The following KCNC4 variants were observed in gnomAD, a reference collection of about 807,000 sequenced individuals.
KCNC4 encodes the protein voltage-gated potassium channel KCNC4.
In KCNC4, 23 loss-of-function variants were observed where a neutral mutation model predicts 42.8. That is an observed-to-expected ratio of 0.54 (90% CI 0.39 to 0.76). The LOEUF (loss-of-function observed/expected upper bound fraction) is 0.76, where lower values mean the gene tolerates loss of function less well. Ranked by LOEUF, KCNC4 falls within the 30% of genes least tolerant of loss-of-function variation. The pLI, the probability that KCNC4 is intolerant of heterozygous loss-of-function variation, is 0.00. For synonymous variants in KCNC4, 422 were observed against 393.5 expected, an observed-to-expected ratio of 1.07 and a Z score of -0.86; for missense variants, 751 against 898.2, an observed-to-expected ratio of 0.84 and a Z score of 2.10.
At chr1:110,235,463 T>A (rs1351644488), downstream of KCNC4, 1 of 152,108 alleles carries the variant, frequency 6.6e-6, no homozygotes, top group African/African-American at 2.4e-5. Flanking sequence ...AAAGTGGCTG[T>A]TTTTTCTGTA....
At chr1:110,225,289 A>T (rs1351467993) in intron 2 of KCNC4, 1 of 152,318 alleles carries the variant, frequency 6.6e-6, no homozygotes, top group Non-Finnish European at 1.5e-5. Context: ...CAGATAGAGT[A>T]GCACCCCCTT....
At chr1:110,232,816 C>G in intron 3 of KCNC4, 95 bp from the exon 4 acceptor site, 2 of 1,549,642 alleles carry the variant, frequency 1.3e-6, no homozygotes, top group Non-Finnish European at 1.7e-6. Context: ...TTCTCCCTTT[C>G]TTTTGCTGAA....
intron 1 of KCNC4, among the ~76,000 whole-genome samples, chr1:110,275,033 C>T (rs1659693384): frequency 6.6e-6 from 1 of 152,058 alleles, no homozygotes; most frequent in Non-Finnish European, 1.5e-5. Context: ...TGAAATGTTT[C>T]TGCGCAGCAA....
At chr1:110,228,357 C>T (rs1211902848) in intron 3 of KCNC4, among the ~76,000 whole-genome samples, 2 of 152,098 alleles carry the variant, frequency 1.3e-5, no homozygotes, top group Admixed American at 1.3e-4. Context: ...CAAAAGTCAG[C>T]TGGGTGTGGG....
At chr1:110,234,598 T>A (rs1388120407), downstream of KCNC4, 1 of 152,170 alleles carries the variant, frequency 6.6e-6, no homozygotes, top group African/African-American at 2.4e-5. Flanking sequence ...TTGTTATCCC[T>A]CTCACGTTCA....
chr1:110,232,632 C>T (rs1423365582), intron 3 of KCNC4: 1 of 1,441,862 alleles, frequency 6.9e-7, no homozygotes, highest in Non-Finnish European at 9.1e-7. Flanking sequence ...CCTGAGTCAC[C>T]AGAGTTGGGT....
At position 110,212,008 on chromosome 1, in the gene KCNC4, G is replaced by T; in HGVS notation, c.509G>T (p.Gly170Val). 6.2e-7 allele frequency: 1 copy of T among 1,604,860 alleles called. No individual in the cohort carries two copies. The highest frequency in any genetic ancestry group is 8.5e-7 in the Non-Finnish European group (1 of 1,176,902). ...IFESPDGGGS[G>V]AGPSDEAGDD... Reference sequence around the variant, plus strand: ...GAGAGCCCGGACGGAGGCGGCAGCGGCGCGGGGCCCAGCGACGAGGCCGGC... The same window carrying T: ...GAGAGCCCGGACGGAGGCGGCAGCGTCGCGGGGCCCAGCGACGAGGCCGGC... Residue 170 changes from glycine to valine, a missense_variant, in exon 1 of 4, where the codon GGC becomes GTC. Coordinates refer to ENST00000438661, the MANE Select transcript of KCNC4 (RefSeq NM_001039574.3).
Position 110,218,788 on chromosome 1 carries a change from G to A in KCNC4, c.679-4176G>A, listed in dbSNP as rs186358591. Among the ~76,000 whole-genome samples the A allele has an allele frequency of 3.9e-5, 6 of 152,292 alleles. No individual in the cohort carries two copies. The East Asian group carries it at 5.8e-4, about 15-fold the overall frequency. ...TTTACATTTCTAGGGACAGTCCAAC[G>A]GTGGGGTTGGTGGAGGAGGATGGTA... is the stretch of plus-strand genomic sequence containing the variant. On this transcript the variant is annotated intron_variant, in intron 1 of 3. Transcript: ENST00000438661.
At chr1:110,218,569 C>A (rs1657929113) in intron 1 of KCNC4, among the ~76,000 whole-genome samples, 1 of 127,174 alleles carries the variant, frequency 7.9e-6, no homozygotes, top group African/African-American at 3.4e-5. Flanking sequence ...TAAAGTCGGC[C>A]TCCACTAGAA....
In KCNC4 at chr1:110,223,760, G is replaced by A. The variant is rs140378578; in HGVS notation, c.1475G>A (p.Arg492Gln). 6.8e-6 allele frequency: 11 copies of A among 1,614,022 alleles called. No individual in the cohort carries two copies. Among genetic ancestry groups the A allele is most frequent in the Non-Finnish European group, 9.3e-6 (11 of 1,180,040 alleles). Residue 492 changes from arginine (R) to glutamine (Q), a missense_variant, in exon 2 of 4, where the codon CGG (arginine) becomes CAG (glutamine). By Grantham distance (43) the Arg-to-Gln change is conservative. Coordinates refer to ENST00000438661, the MANE Select transcript of KCNC4 (RefSeq NM_001039574.3). The surrounding 1 kb of genome is among the most constrained non-coding windows in gnomAD (Gnocchi z 7.5). ...AMAKQKLPKK[R>Q]KKHVPRPAQL... is the part of the protein sequence containing the mutation. ...GCCAAGCAGAAGCTGCCCAAGAAAC[G>A]GAAGAAGCACGTGCCACGGCCGGCG...
At chr1:110,253,305 C>T (rs1227148288), downstream of KCNC4, among the ~76,000 whole-genome samples, 1 of 152,252 alleles carries the variant, frequency 6.6e-6, no homozygotes, top group East Asian at 1.9e-4. Flanking sequence ...TCTGCCCACT[C>T]TGGTCTTCCC....
chr1:110,272,681 C>T (rs1659654288), intron 1 of KCNC4: 1 of 146,444 alleles, frequency 6.8e-6, no homozygotes, highest in Non-Finnish European at 1.5e-5. Context: ...GAATAGGTAT[C>T]TTACAGTTAG....
At chr1:110,247,051 TC>T (rs1468162137) in exon 4 of KCNC4, 1 of 152,184 alleles carries the variant, frequency 6.6e-6, no homozygotes, top group East Asian at 1.9e-4. Context: ...CACCTCTTGT[TC>T]CGGCTGTGTT....
exon 4 of KCNC4, chr1:110,246,947 G>T (rs1326112424): frequency 6.6e-6 from 1 of 151,548 alleles, no homozygotes; most frequent in Admixed American, 6.6e-5. Context: ...AGTCTCCATT[G>T]TCCGTCATTC....
rs557834733 is a variant in KCNC4, at chr1:110,211,420, C to T, written c.-80C>T. ...TGCCTCCTCTTCGTCTCCTCCCCCT[C>T]CCCCGTCTGACGCTGCCTCCTCGGG... On this transcript the variant is annotated 5_prime_UTR_variant, in exon 1 of 4. Coordinates refer to ENST00000438661, the MANE Select transcript of KCNC4 (RefSeq NM_001039574.3). This position sits in a 1 kb window ranked among gnomAD's most constrained non-coding sequence, Gnocchi z 6.5. 7 of 1,497,996 alleles carry T rather than the reference C, an allele frequency of 4.7e-6. No homozygotes were observed. Among genetic ancestry groups the T allele is most frequent in the Non-Finnish European group, 6.3e-6 (7 of 1,119,028 alleles). The allele number at this position is 1,497,996 out of a possible 1,614,324, so 92.8% of individuals were successfully genotyped here.
exon 4 of KCNC4, chr1:110,247,219 C>T (rs1010024365): frequency 6.6e-5 from 10 of 150,778 alleles, no homozygotes; most frequent in African/African-American, 1.9e-4. Flanking sequence ...AGTAAACATA[C>T]GAGTGCAGGT....
chr1:110,258,434 C>T (rs2101073294), intron 1 of KCNC4, among the ~76,000 whole-genome samples: 1 of 152,282 alleles, frequency 6.6e-6, no homozygotes, highest in South Asian at 2.1e-4. Context: ...GACGAGGTTT[C>T]ACCACATTGG....
chr1:110,226,604 C>T (rs951896386), intron 3 of KCNC4, among the ~76,000 whole-genome samples: 6 of 152,176 alleles, frequency 3.9e-5, no homozygotes, highest in Admixed American at 1.3e-4. Context: ...GTGCCAACAA[C>T]GTTCAAGAGT....
At chr1:110,284,038 G>T (rs1354863884), downstream of KCNC4, among the ~76,000 whole-genome samples, 2 of 152,128 alleles carry the variant, frequency 1.3e-5, no homozygotes, top group Non-Finnish European at 2.9e-5. Flanking sequence ...ATTTCACAGG[G>T]ATACAAAGAT....
Sources: allele counts gnomAD v4.1 joint callset (sites outside exome capture counted in the v4.1 genomes callset), GRCh38; gene constraint gnomAD v4.1.1; non-coding constraint Gnocchi (gnomAD v3.1); transcripts MANE v1.5; gene names NCBI Gene and HGNC (gene_info 2026-07-23, HGNC 2026-07-21).